The following CIC variants were observed in gnomAD, a reference collection of about 807,000 sequenced individuals.
The protein encoded by CIC is protein capicua homolog.
A neutral mutation model predicts 115.7 loss-of-function variants in CIC; 18 were observed. The observed-to-expected ratio is 0.16, with a 90% confidence interval of 0.11 to 0.23. CIC has a LOEUF of 0.23. Among genes scored for constraint, CIC ranks in the 10% least tolerant of loss-of-function variants. The pLI is 1.00. For synonymous variants in CIC, 1,076 were observed against 923.0 expected, an observed-to-expected ratio of 1.17 and a Z score of -3.01; for missense variants, 2,000 against 2,159.3, an observed-to-expected ratio of 0.93 and a Z score of 1.46.
chr19:42,284,295 A>T (rs1271468347), intron 2 of CIC: 1 of 125,512 alleles, frequency 8.0e-6, no homozygotes, highest in Non-Finnish European at 1.7e-5. Context: ...CGGGGAAGGG[A>T]GGGGGCCGCC....
rs949109057 is a variant in CIC, at chr19:42,273,638, G to A, written c.1855G>A (p.Val619Ile). ...SRSGTPSFSP[V>I]STQSPFSPAP... The stretch of plus-strand genomic sequence containing the variant: ...CTCAGGCACGCCCTCCTTCTCACCC[G>A]TCTCCACTCAATCGCCCTTCTCGCC... Residue 619 changes from valine to isoleucine, a missense_variant, in exon 2 of 21, where the codon GTC becomes ATC. Transcript: ENST00000681038. 3.3e-5 allele frequency: 13 copies of A among 398,546 alleles called. No individual in the cohort carries two copies. The highest frequency in any genetic ancestry group is 1.3e-4 in the South Asian group (1 of 7,868). The allele number at this position is 398,546 out of a possible 1,614,324, so 24.7% of individuals were successfully genotyped here.
chr19:42,291,011 C>T lies in CIC; in HGVS notation c.4970C>T (p.Pro1657Leu). The T allele has an allele frequency of 6.2e-7, 1 of 1,613,800 alleles. No homozygotes were observed. Among genetic ancestry groups the T allele is most frequent in the Non-Finnish European group, 8.5e-7 (1 of 1,180,008 alleles). Residue 1657 changes from proline to leucine, a missense_variant, in exon 11 of 21, where the codon CCC (proline) becomes CTC (leucine). Pro to Leu is a moderately conservative substitution (Grantham distance 98). This residue lies in a region of CIC where 1,466 missense variants were observed against 1,390.4 expected (regional missense o/e 1.05). Coordinates refer to ENST00000681038, the MANE Select transcript of CIC (RefSeq NM_001386298.1). Reference protein sequence around the residue: ...TSPAPHLVAGPLLGTVGKAPA... With the variant: ...TSPAPHLVAGLLLGTVGKAPA... ...CCAGCCCCACACTTGGTGGCTGGAC[C>T]CCTGCTGGGCACTGTGGGGAAGGCG... is the stretch of plus-strand genomic sequence containing the variant.
rs2147356558 is a variant in CIC, at chr19:42,294,976, C to T, written c.7339C>T (p.Pro2447Ser). The T allele has an allele frequency of 6.3e-7, 1 of 1,599,644 alleles. No homozygotes were observed. Among genetic ancestry groups the T allele is most frequent in the Non-Finnish European group, 8.5e-7 (1 of 1,179,716 alleles). ...PPGAEAPLPV[P>S]PPTGTAAAPA... The stretch of plus-strand genomic sequence containing the variant: ...TGGAGCTGAGGCTCCTCTCCCTGTA[C>T]CGCCCCCCACTGGCACCGCTGCTGC... The change falls in exon 21 of 21, where the codon CCG (proline) becomes TCG (serine). Residue 2447 changes from proline to serine, a missense_variant. Coordinates refer to ENST00000681038, the MANE Select transcript of CIC (RefSeq NM_001386298.1).
rs1000039086 is a variant in CIC at position 42,270,874 on chromosome 19, C to T, written c.-10-900C>T. 2.6e-5 allele frequency among the ~76,000 whole-genome samples: 4 copies of T among 152,164 alleles called. No homozygotes were observed. Among genetic ancestry groups the T allele is most frequent in the African/African-American group, 9.7e-5 (4 of 41,422 alleles). ...GTGTGTTTGTGCGCGTGCGTGTGCT[C>T]ATGCACGGCCCCGTGGCAGTGCTGG... is the stretch of plus-strand genomic sequence containing the variant. On this transcript the variant is annotated intron_variant, in intron 1 of 20. Transcript: ENST00000681038. The surrounding 1 kb of genome is among the most constrained non-coding windows in gnomAD (Gnocchi z 4.1).
chr19:42,286,701 G>A, intron 2 of CIC, 70 bp from the exon 3 acceptor site: 1 of 1,604,444 alleles, frequency 6.2e-7, no homozygotes, highest in South Asian at 1.1e-5. Context: ...CATCTAGGGT[G>A]GGGAAGAGCT....
Position 42,292,765 on chromosome 19 carries a change from C to G in CIC, c.6102C>G (p.Ser2034Arg). The stretch of plus-strand genomic sequence containing the variant: ...GCCTGGTCTACACTGTGGCCACCAG[C>G]ACAACCCCACCTGCAGCCACCATTC... ...PPSLVYTVAT[S>R]TTPPAATILP... Residue 2034 changes from serine to arginine, a missense_variant, in exon 15 of 21, where the codon AGC (serine) becomes AGG (arginine). Ser to Arg is a moderately radical substitution (Grantham distance 110). Around this residue, in one of 8 missense-constraint regions of CIC, gnomAD observed 1,466 missense variants for 1,390.4 expected, o/e 1.05. Transcript: ENST00000681038. The G allele has an allele frequency of 6.2e-7, 1 of 1,613,758 alleles. No individual in the cohort carries two copies. Among genetic ancestry groups the G allele is most frequent in the Non-Finnish European group, 8.5e-7 (1 of 1,179,942 alleles).
In CIC at chr19:42,290,767, C is replaced by A. The variant is rs778219736; in HGVS notation, c.4726C>A (p.Pro1576Thr). The A allele has an allele frequency of 2.3e-5, 37 of 1,611,848 alleles. No individual in the cohort carries two copies. Among genetic ancestry groups the A allele is most frequent in the Non-Finnish European group, 2.9e-5 (34 of 1,179,516 alleles). ...GGCCCCAGCAGCTCCCCTGTCCCGT[C>A]CTGCCGCCACCATGGTCACCAATGT... ...YGAPAAPLSR[P>T]AATMVTNVVR... The change falls in exon 11 of 21, where the codon CCT becomes ACT. Residue 1576 changes from proline to threonine, a missense_variant. Pro to Thr is a conservative substitution (Grantham distance 38, BLOSUM62 -1). Transcript: ENST00000681038.
rs548323929 is a variant in CIC, at chr19:42,289,496, C to T, written c.4087+90C>T. ...GAACTTGGATCCAGGCCCCTAGGCC[C>T]CTTTGTTTTCTTTTCCACTTGGTTT... On this transcript the variant is annotated intron_variant, in intron 9 of 20. Coordinates refer to ENST00000681038, the MANE Select transcript of CIC (RefSeq NM_001386298.1). The T allele has an allele frequency of 1.2e-5, 16 of 1,385,890 alleles. No homozygotes were observed. The South Asian group carries it at 2.0e-4, about 17-fold the overall frequency. The allele number at this position is 1,385,890 out of a possible 1,614,324, so 85.8% of individuals were successfully genotyped here. A position where few individuals can be genotyped will look rare whatever the true frequency, so the allele number is the denominator to read the frequency against.
Position 42,289,242 on chromosome 19 carries a change from G to A in CIC, c.3923G>A (p.Gly1308Glu), listed in dbSNP as rs150874189. ...CCTTCTACCCAGTATGGAGCTCCAG[G>A]ACCCTTTGCAGCCCCTGGTGAGGGA... The part of the protein sequence containing the change: ...PKPSTQYGAP[G>E]PFAAPGEGGA... The change falls in exon 9 of 21, where the codon GGA becomes GAA. Residue 1308 changes from glycine (G) to glutamate (E), a missense_variant. Around this residue, in one of 8 missense-constraint regions of CIC, gnomAD observed 1,466 missense variants for 1,390.4 expected, o/e 1.05. Coordinates refer to ENST00000681038, the MANE Select transcript of CIC (RefSeq NM_001386298.1). 1.2e-6 allele frequency: 2 copies of A among 1,613,644 alleles called. No individual in the cohort carries two copies. The highest frequency in any genetic ancestry group is 1.7e-6 in the Non-Finnish European group (2 of 1,180,026).
intron 2 of CIC, among the ~76,000 whole-genome samples, chr19:42,277,171 G>A (rs1335049153): frequency 6.6e-6 from 1 of 152,222 alleles, no homozygotes; most frequent in Non-Finnish European, 1.5e-5. Flanking sequence ...CCATTGGACA[G>A]AGGAGGAAAC....
Position 42,293,280 on chromosome 19 carries a change from T to C in CIC, c.6521T>C (p.Met2174Thr), listed in dbSNP as rs760087096. ...ACCAGCGCCAAGGGCCCTGAGACCA[T>C]GGTGAGCGCCTGCAGGCCGTGGGGC... Reference protein sequence around the residue: ...ERTSAKGPETMASKFPSSSSD... With the variant: ...ERTSAKGPETTASKFPSSSSD... Residue 2174 changes from methionine to threonine, a missense_variant and splice_region_variant, in exon 16 of 21, where the codon ATG becomes ACG. By Grantham distance (81) the Met-to-Thr change is moderately conservative. Around this residue, in one of 8 missense-constraint regions of CIC, gnomAD observed 1,466 missense variants for 1,390.4 expected, o/e 1.05. Transcript: ENST00000681038. The C allele has an allele frequency of 6.4e-7, 1 of 1,572,324 alleles. No homozygotes were observed. The highest frequency in any genetic ancestry group is 1.2e-5 in the South Asian group (1 of 86,328).
Position 42,293,673 on chromosome 19 carries a change from C to T in CIC, c.6604C>T (p.Pro2202Ser). 1 of 1,612,762 alleles carries T rather than the reference C, an allele frequency of 6.2e-7. No individual in the cohort carries two copies. The highest frequency in any genetic ancestry group is 8.5e-7 in the Non-Finnish European group (1 of 1,179,726). Residue 2202 changes from proline to serine, a missense_variant, in exon 17 of 21, where the codon CCC (proline) becomes TCC (serine). Pro to Ser is a moderately conservative substitution (Grantham distance 74, BLOSUM62 -1). Around this residue, in one of 8 missense-constraint regions of CIC, gnomAD observed 1,466 missense variants for 1,390.4 expected, o/e 1.05. Transcript: ENST00000681038. ...GAATCGTGGGGAGCCTCCCACTCCT[C>T]CCAGCCCGGCCCCAGCTCCAGCTGT... Reference protein sequence around the residue: ...LENRGEPPTPPSPAPAPAVAP... With the variant: ...LENRGEPPTPSSPAPAPAVAP...
intron 2 of CIC, among the ~76,000 whole-genome samples, chr19:42,285,882 G>A (rs2037603810): frequency 6.6e-6 from 1 of 152,240 alleles, no homozygotes; most frequent in Non-Finnish European, 1.5e-5. Context: ...TCTTGGTGAG[G>A]AAGCATCTTC....
intron 16 of CIC, 94 bp downstream of exon 16, chr19:42,293,375 CT>C (rs2038291197): frequency 5.7e-6 from 8 of 1,397,698 alleles, no homozygotes; most frequent in Non-Finnish European, 7.8e-6. Flanking sequence ...CTTTCCATGC[CT>C]GTGTGTCTCT....
chr19:42,277,666 G>A (rs1038220297), intron 2 of CIC, among the ~76,000 whole-genome samples: 6 of 152,258 alleles, frequency 3.9e-5, no homozygotes, highest in African/African-American at 1.2e-4. Context: ...GCTTGGGGCC[G>A]TTTCATCAGC....
In CIC at chr19:42,273,312, G is replaced by C; in HGVS notation, c.1529G>C (p.Gly510Ala). Residue 510 changes from glycine (G) to alanine (A), a missense_variant, in exon 2 of 21, where the codon GGC becomes GCC. By Grantham distance (60) the Gly-to-Ala change is moderately conservative (BLOSUM62 0). This residue lies in a region of CIC where 222 missense variants were observed against 247.7 expected (regional missense o/e 0.90). Transcript: ENST00000681038. Reference protein sequence around the residue: ...KQWRRLCSRDGCMKESQRRGY... With the variant: ...KQWRRLCSRDACMKESQRRGY... ...TGGCGCCGGCTGTGCTCACGAGATG[G>C]CTGCATGAAGGAGTCACAGCGGCGA... The C allele has an allele frequency of 2.5e-6, 1 of 398,576 alleles. No homozygotes were observed. Among genetic ancestry groups the C allele is most frequent in the Non-Finnish European group, 4.4e-6 (1 of 225,986 alleles). 24.7% of individuals were successfully genotyped at this position (398,576 alleles called of 1,614,324 possible).
At chr19:42,276,973 C>T (rs1162609289) in intron 2 of CIC, among the ~76,000 whole-genome samples, 1 of 152,180 alleles carries the variant, frequency 6.6e-6, no homozygotes, top group Non-Finnish European at 1.5e-5. Context: ...CAGTGAGGGG[C>T]AGGATGAGAG....
chr19:42,283,300 T>C (rs2037350405), intron 2 of CIC, among the ~76,000 whole-genome samples: 1 of 151,934 alleles, frequency 6.6e-6, no homozygotes, highest in South Asian at 2.1e-4. Flanking sequence ...ATGATTCATG[T>C]GGGCTGGTGG....
chr19:42,274,417 C>T lies in CIC; in HGVS notation c.2634C>T (p.Ala878=), dbSNP rs762661359. Residue 878 remains alanine (A), a synonymous_variant, in exon 2 of 21, where the codon GCC becomes GCT. Transcript: ENST00000681038. ...PITVPPAAPT[A]VAQPMPAFGL... is the part of the protein sequence containing the mutation. ...CCGTGCCTCCAGCTGCACCAACTGC[C>T]GTGGCCCAGCCGATGCCCGCCTTTG... is the stretch of plus-strand genomic sequence containing the variant. 8 of 399,034 alleles carry T rather than the reference C, an allele frequency of 2.0e-5. No individual in the cohort carries two copies. Among genetic ancestry groups the T allele is most frequent in the South Asian group, 1.3e-4 (1 of 7,884 alleles). The allele number at this position is 399,034 out of a possible 1,614,324, so 24.7% of individuals were successfully genotyped here. A position where few individuals can be genotyped will look rare whatever the true frequency, so the allele number is the denominator to read the frequency against.
Sources: gnomAD v4.1 joint callset for allele counts (sites outside exome capture counted in the v4.1 genomes callset) on GRCh38, gnomAD v4.1.1 for gene constraint, gnomAD v4.1.1 regional missense constraint, Gnocchi (gnomAD v3.1) non-coding constraint, MANE v1.5 for transcripts, NCBI Gene and HGNC (gene_info 2026-07-23, HGNC 2026-07-21) for gene names.